UBE2F: variants seen among roughly 807,000 people sequenced by gnomAD.
UBE2F encodes ubiquitin conjugating enzyme E2 F (putative).
A neutral mutation model predicts 29.6 loss-of-function variants in UBE2F; 5 were observed. The ratio of observed to expected loss-of-function variants is 0.17; its 90% confidence interval spans 0.09 to 0.36. The LOEUF is 0.36. UBE2F is among the 10% of genes least tolerant of loss of function. The pLI, the probability that UBE2F is intolerant of heterozygous loss-of-function variation, is 1.00. For synonymous variants in UBE2F, 66 were observed against 81.8 expected (o/e 0.81, Z 1.04); for missense variants, 141 against 228.5 (o/e 0.62, Z 2.47).
At chr2:238,017,154 TA>T (rs1034254807) in intron 5 of UBE2F, among the ~76,000 whole-genome samples, 2 of 152,150 alleles carry the variant, frequency 1.3e-5, no homozygotes, top group African/African-American at 2.4e-5. Context: ...TTAGGAGAGA[TA>T]AAGTGTAGAA....
At chr2:238,013,328 C>T (rs1214061252) in intron 4 of UBE2F, among the ~76,000 whole-genome samples, 6 of 152,040 alleles carry the variant, frequency 3.9e-5, no homozygotes, top group Admixed American at 3.3e-4. Flanking sequence ...AATGGAGACA[C>T]AGTGGTGGGG....
chr2:237,986,817 G>T (rs1218372341), intron 2 of UBE2F, among the ~76,000 whole-genome samples: 1 of 152,002 alleles, frequency 6.6e-6, no homozygotes, highest in Non-Finnish European at 1.5e-5. Flanking sequence ...TAAATTAGTT[G>T]ACTTTTATAT....
At chr2:238,019,784 G>A (rs762645239) in intron 5 of UBE2F, among the ~76,000 whole-genome samples, 4 of 150,786 alleles carry the variant, frequency 2.7e-5, no homozygotes, top group African/African-American at 4.9e-5. Flanking sequence ...CTCAGCCTCC[G>A]GAGTAGCTGG....
At chr2:237,972,641 C>T (rs2063200588) in intron 1 of UBE2F, among the ~76,000 whole-genome samples, 1 of 149,784 alleles carries the variant, frequency 6.7e-6, no homozygotes. Flanking sequence ...TCCCCAATCT[C>T]CCAGGCTCAA....
intron 2 of UBE2F, chr2:237,986,097 G>A (rs991028001): frequency 1.6e-5 from 5 of 312,526 alleles, no homozygotes; most frequent in Admixed American, 8.7e-5. Flanking sequence ...TCGAATATAT[G>A]ATTTGTAAAT....
At chr2:238,032,925 C>T (rs1408159313) in intron 8 of UBE2F, among the ~76,000 whole-genome samples, 1 of 152,150 alleles carries the variant, frequency 6.6e-6, no homozygotes, top group Non-Finnish European at 1.5e-5. Flanking sequence ...GCAGGGGCCA[C>T]AGCAGTCTCA....
intron 5 of UBE2F, among the ~76,000 whole-genome samples, chr2:238,021,541 G>A (rs556991767): frequency 6.6e-6 from 1 of 152,174 alleles, no homozygotes. Context: ...GTCATAATAT[G>A]ATGGACGTAC....
At position 238,016,406 on chromosome 2, in the gene UBE2F, A is replaced by AGT. The variant is rs1341189380; in HGVS notation, c.215-152_215-151dup. 4.0e-5 allele frequency: 24 copies of AGT among 604,530 alleles called. No homozygotes were observed. The East Asian group carries it at 6.0e-4, about 15-fold the overall frequency. 37.4% of individuals were successfully genotyped at this position (604,530 alleles called of 1,614,324 possible). A position where few individuals can be genotyped will look rare whatever the true frequency, so the allele number is the denominator to read the frequency against. ...TTCAGGCAGGGGCAGGACTTCCACC[A>AGT]GTGTGTGTGCATTTGGTGATGGAAC... is the stretch of plus-strand genomic sequence containing the variant. On this transcript the variant is annotated intron_variant, in intron 4 of 9. Coordinates refer to ENST00000272930, the MANE Select transcript of UBE2F (RefSeq NM_080678.3).
intron 2 of UBE2F, chr2:237,986,138 TTTTC>T: frequency 3.0e-6 from 1 of 335,506 alleles, no homozygotes; most frequent in South Asian, 2.0e-5. Context: ...CTACCTTTTC[TTTTC>T]TTTTTTTTTT....
chr2:237,977,125 C>T (rs1044357552), intron 2 of UBE2F, among the ~76,000 whole-genome samples: 1 of 152,052 alleles, frequency 6.6e-6, no homozygotes, highest in African/African-American at 2.4e-5. Flanking sequence ...CCAACCTGGG[C>T]GCCCCTCCAG....
At chr2:238,030,168 A>AT (rs1237210682) in intron 6 of UBE2F, among the ~76,000 whole-genome samples, 1 of 152,014 alleles carries the variant, frequency 6.6e-6, no homozygotes, top group African/African-American at 2.4e-5. Context: ...GACCCAAGCT[A>AT]TCTTCCCACC....
chr2:238,036,773 T>C (rs140859022), intron 9 of UBE2F, among the ~76,000 whole-genome samples: 5 of 152,314 alleles, frequency 3.3e-5, no homozygotes, highest in Non-Finnish European at 5.9e-5. Context: ...GAGCCAAGAC[T>C]GTGCCACTGC....
chr2:238,018,255 G>A (rs1229788617), intron 5 of UBE2F, among the ~76,000 whole-genome samples: 1 of 152,124 alleles, frequency 6.6e-6, no homozygotes, highest in African/African-American at 2.4e-5. Flanking sequence ...GAAACAAACA[G>A]GCATACAGTA....
At position 238,025,377 on chromosome 2, in the gene UBE2F, C is replaced by T. The variant is rs780096368; in HGVS notation, c.318C>T (p.His106=). 1.2e-6 allele frequency: 2 copies of T among 1,614,012 alleles called. No individual in the cohort carries two copies. Among genetic ancestry groups the T allele is most frequent in the Admixed American group, 1.7e-5 (1 of 60,020 alleles). ...TGAAATGCCTGACCAAGATCTGGCA[C>T]CCCAACATCACAGAGACAGGGGAAA... ...PKVKCLTKIW[H]PNITETGEIC... The change falls in exon 6 of 10, where the codon CAC becomes CAT. Residue 106 remains histidine (H), a synonymous_variant. Coordinates refer to ENST00000272930, the MANE Select transcript of UBE2F (RefSeq NM_080678.3).
chr2:237,979,180 C>G (rs552942768), intron 2 of UBE2F, among the ~76,000 whole-genome samples: 2 of 152,324 alleles, frequency 1.3e-5, no homozygotes, highest in African/African-American at 4.8e-5. Flanking sequence ...GGGGTTGATT[C>G]TGTGCGTACC....
chr2:238,035,949 G>A lies in UBE2F; in HGVS notation c.507+9G>A. 2 of 1,612,098 alleles carry A rather than the reference G, an allele frequency of 1.2e-6. No individual in the cohort carries two copies. Among genetic ancestry groups the A allele is most frequent in the Non-Finnish European group, 1.7e-6 (2 of 1,178,476 alleles). On this transcript the variant is annotated intron_variant, in intron 9 of 9. Coordinates refer to ENST00000272930, the MANE Select transcript of UBE2F (RefSeq NM_080678.3). ...ATCATTTGCGGGACAAGGTGAGCCA[G>A]TAACAGGCTTATTCTAGGTTGATGT...
chr2:238,013,602 A>G (rs1275337076), intron 4 of UBE2F, among the ~76,000 whole-genome samples: 1 of 152,294 alleles, frequency 6.6e-6, no homozygotes, highest in South Asian at 2.1e-4. Context: ...CAGACAGAGC[A>G]TATGTGGATG....
chr2:238,015,318 T>G (rs1432177516), intron 4 of UBE2F, among the ~76,000 whole-genome samples: 2 of 152,184 alleles, frequency 1.3e-5, no homozygotes, highest in East Asian at 3.8e-4. Context: ...ATTAAGAGAT[T>G]TTTGTATTGG....
At chr2:238,001,303 G>T (rs1186574284) in intron 4 of UBE2F, among the ~76,000 whole-genome samples, 1 of 152,084 alleles carries the variant, frequency 6.6e-6, no homozygotes, top group East Asian at 1.9e-4. Context: ...AAAGTGCTGG[G>T]ATTACAGGCG....
Sources: gnomAD v4.1 joint callset for allele counts (sites outside exome capture counted in the v4.1 genomes callset) on GRCh38, gnomAD v4.1.1 for gene constraint, MANE v1.5 for transcripts, NCBI Gene and HGNC (gene_info 2026-07-23, HGNC 2026-07-21) for gene names.